Variants in CNNM4 observed in about 807,000 individuals in gnomAD.
CNNM4 encodes cyclin and CBS domain divalent metal cation transport mediator 4.
Under a neutral mutation model 53.7 loss-of-function variants are expected in CNNM4, and 32 were observed. That is an observed-to-expected ratio of 0.60 (90% confidence interval 0.45 to 0.80). CNNM4 has a LOEUF of 0.80. CNNM4 is among the 30% of genes least tolerant of loss of function. The probability of loss-of-function intolerance (pLI) is 0.00; values close to 1 mark genes in which losing one functional copy is unlikely to be tolerated. For synonymous variants in CNNM4, 410 were observed against 440.0 expected, an observed-to-expected ratio of 0.93 and a Z score of 0.85; for missense variants, 784 against 1,022.0, an observed-to-expected ratio of 0.77 and a Z score of 3.17.
Position 96,797,433 on chromosome 2 carries a change from A to C in CNNM4, c.1547-80A>C. 1 of 1,581,598 alleles carries C rather than the reference A, an allele frequency of 6.3e-7. No individual in the cohort carries two copies. The highest frequency in any genetic ancestry group is 8.6e-7 in the Non-Finnish European group (1 of 1,160,486). On this transcript the variant is annotated intron_variant, in intron 2 of 6. Coordinates refer to ENST00000377075, the MANE Select transcript of CNNM4 (RefSeq NM_020184.4). This position sits in a 1 kb window ranked among gnomAD's most constrained non-coding sequence, Gnocchi z 6.0. ...TGCGTGGGACTAGGGGCTGGAGAGC[A>C]GGAGCTGCGGGGCGGGTTCCAGTCT...
At chr2:96,770,635 C>G (rs933056687) in intron 1 of CNNM4, among the ~76,000 whole-genome samples, 1 of 152,152 alleles carries the variant, frequency 6.6e-6, no homozygotes, top group African/African-American at 2.4e-5. Context: ...CTTGGCGGTG[C>G]GGATCCCTGG....
chr2:96,799,137 C>T lies in CNNM4; in HGVS notation c.1762C>T (p.Leu588Phe). ...CAAGTACCCAGATGTCATTCAGGAA[C>T]TCAAGTTTGACGAGCACAATAAGTA... Reference protein sequence around the residue: ...LLKYPDVIQELKFDEHNKYYA... With the variant: ...LLKYPDVIQEFKFDEHNKYYA... The change falls in exon 4 of 7, where the codon CTC (leucine) becomes TTC (phenylalanine). Residue 588 changes from leucine to phenylalanine, a missense_variant. Leu to Phe is a conservative substitution (Grantham distance 22, BLOSUM62 0). Around this residue, in one of 3 missense-constraint regions of CNNM4, gnomAD observed 307 missense variants for 376.3 expected, o/e 0.82. Transcript: ENST00000377075. 6.2e-7 allele frequency: 1 copy of T among 1,614,164 alleles called. No individual in the cohort carries two copies. The highest frequency in any genetic ancestry group is 1.1e-5 in the South Asian group (1 of 91,082).
At position 96,761,414 on chromosome 2, in the gene CNNM4, C is replaced by A. The variant is rs1265638760; in HGVS notation, c.415C>A (p.Leu139Ile). The change falls in exon 1 of 7, where the codon CTC (leucine) becomes ATC (isoleucine). Residue 139 changes from leucine (L) to isoleucine (I), a missense_variant. By Grantham distance (5) the Leu-to-Ile change is conservative (BLOSUM62 2). This residue lies in a region of CNNM4 where 473 missense variants were observed against 624.6 expected (regional missense o/e 0.76). Transcript: ENST00000377075. This position sits in a 1 kb window ranked among gnomAD's most constrained non-coding sequence, Gnocchi z 6.0. Reference protein sequence around the residue: ...SGVLVVLTKFLRRSESMKLYA... With the variant: ...SGVLVVLTKFIRRSESMKLYA... ...CGTGCTGGTGGTGCTCACCAAGTTC[C>A]TCCGGAGGAGCGAGAGCATGAAGCT... 6.2e-7 allele frequency: 1 copy of A among 1,614,010 alleles called. No homozygotes were observed. Among genetic ancestry groups the A allele is most frequent in the Non-Finnish European group, 8.5e-7 (1 of 1,180,032 alleles).
Position 96,801,152 on chromosome 2 carries a change from A to AG in CNNM4, c.1948+1507dup. ...GCTCACAGGTAACGTGGCACAGCTG[A>AG]GGGTCACGCTGCCACCTGCTGCCTG... On this transcript the variant is annotated intron_variant, in intron 5 of 6. Transcript: ENST00000377075. This position sits in a 1 kb window ranked among gnomAD's most constrained non-coding sequence, Gnocchi z 5.6. 2.0e-6 allele frequency: 2 copies of AG among 983,384 alleles called. No individual in the cohort carries two copies. Among genetic ancestry groups the AG allele is most frequent in the Non-Finnish European group, 1.2e-6 (1 of 828,074 alleles). 60.9% of individuals were successfully genotyped at this position (983,384 alleles called of 1,614,324 possible).
At chr2:96,781,997 A>G (rs1255420395) in intron 1 of CNNM4, among the ~76,000 whole-genome samples, 1 of 152,196 alleles carries the variant, frequency 6.6e-6, no homozygotes, top group African/African-American at 2.4e-5. Context: ...TGTTGAGATG[A>G]TTGAATAACC....
rs1300595845 is a variant in CNNM4 at position 96,800,278 on chromosome 2, C to G, written c.1948+630C>G. 1.3e-5 allele frequency among the ~76,000 whole-genome samples: 2 copies of G among 152,278 alleles called. No homozygotes were observed. The highest frequency in any genetic ancestry group is 6.5e-5 in the Admixed American group (1 of 15,296). On this transcript the variant is annotated intron_variant, in intron 5 of 6. Coordinates refer to ENST00000377075, the MANE Select transcript of CNNM4 (RefSeq NM_020184.4). The surrounding 1 kb of genome is among the most constrained non-coding windows in gnomAD (Gnocchi z 4.6). ...GGCTTTCCCCGCAGAGCCCCACAGA[C>G]AAGGCCCCGCAGGCCCAGGTCTCGC...
intron 1 of CNNM4, among the ~76,000 whole-genome samples, chr2:96,772,266 C>T (rs1285793058): frequency 3.7e-5 from 5 of 134,466 alleles, no homozygotes; most frequent in African/African-American, 5.7e-5. Flanking sequence ...ACACCCCATG[C>T]GCGCACACAC....
intron 1 of CNNM4, among the ~76,000 whole-genome samples, chr2:96,796,304 C>T (rs1245869788): frequency 6.6e-6 from 1 of 151,790 alleles, no homozygotes; most frequent in African/African-American, 2.4e-5. Flanking sequence ...ACTACCACAC[C>T]TAGCTGATTT....
In CNNM4 at chr2:96,797,433, A is replaced by G. The variant is rs1558993205; in HGVS notation, c.1547-80A>G. The G allele has an allele frequency of 2.5e-6, 4 of 1,581,598 alleles. No individual in the cohort carries two copies. Among genetic ancestry groups the G allele is most frequent in the Non-Finnish European group, 2.6e-6 (3 of 1,160,486 alleles). ...TGCGTGGGACTAGGGGCTGGAGAGC[A>G]GGAGCTGCGGGGCGGGTTCCAGTCT... is the stretch of plus-strand genomic sequence containing the variant. On this transcript the variant is annotated intron_variant, in intron 2 of 6. Coordinates refer to ENST00000377075, the MANE Select transcript of CNNM4 (RefSeq NM_020184.4). This position sits in a 1 kb window ranked among gnomAD's most constrained non-coding sequence, Gnocchi z 6.0.
intron 1 of CNNM4, among the ~76,000 whole-genome samples, chr2:96,776,027 GTT>G (rs538342553): frequency 4.7e-5 from 6 of 128,732 alleles, no homozygotes; most frequent in South Asian, 2.6e-4. Context: ...TGCCATTGTG[GTT>G]TTTTTTTTTT....
Position 96,761,192 on chromosome 2 carries a change from A to G in CNNM4, c.193A>G (p.Ile65Val), listed in dbSNP as rs1324850511. 6.2e-7 allele frequency: 1 copy of G among 1,613,794 alleles called. No homozygotes were observed. The highest frequency in any genetic ancestry group is 1.7e-5 in the Admixed American group (1 of 60,010). The change falls in exon 1 of 7, where the codon ATC becomes GTC. Residue 65 changes from isoleucine (I) to valine (V), a missense_variant. Ile to Val is a conservative substitution (Grantham distance 29). Transcript: ENST00000377075. This position sits in a 1 kb window ranked among gnomAD's most constrained non-coding sequence, Gnocchi z 6.0. ...NKSCGTNPDG[I>V]IFVSEGSTVN... ...GTCGTGTGGGACGAACCCGGATGGCATCATCTTCGTGTCCGAGGGCAGCAC... is the reference window on the plus strand; with the variant it reads ...GTCGTGTGGGACGAACCCGGATGGCGTCATCTTCGTGTCCGAGGGCAGCAC...
In CNNM4 at chr2:96,797,465, A is replaced by C; in HGVS notation, c.1547-48A>C. On this transcript the variant is annotated intron_variant, in intron 2 of 6. Coordinates refer to ENST00000377075, the MANE Select transcript of CNNM4 (RefSeq NM_020184.4). The surrounding 1 kb of genome is among the most constrained non-coding windows in gnomAD (Gnocchi z 6.0). ...GCGGGGCGGGTTCCAGTCTCTTCCT[A>C]AGTCCTCAGGGGTCTGTGTTCTCAA... 8 of 1,609,820 alleles carry C rather than the reference A, an allele frequency of 5.0e-6. No homozygotes were observed. The highest frequency in any genetic ancestry group is 6.8e-6 in the Non-Finnish European group (8 of 1,179,784).
At position 96,809,327 on chromosome 2, in the gene CNNM4, G is replaced by C; in HGVS notation, c.2138G>C (p.Arg713Pro). 6.2e-7 allele frequency: 1 copy of C among 1,614,016 alleles called. No individual in the cohort carries two copies. The highest frequency in any genetic ancestry group is 1.3e-5 in the African/African-American group (1 of 75,002). Residue 713 changes from arginine (R) to proline (P), a missense_variant, in exon 7 of 7, where the codon CGG becomes CCG. By Grantham distance (103) the Arg-to-Pro change is moderately radical. Around this residue, in one of 3 missense-constraint regions of CNNM4, gnomAD observed 307 missense variants for 376.3 expected, o/e 0.82. Transcript: ENST00000377075. ...LVDLQYIKIT[R>P]QQYQNGLLAS... ...CATCCCTTCCTCATGCAGATCACTC[G>C]GCAGCAGTACCAGAACGGGCTGCTG...
In CNNM4 at chr2:96,761,065, G is replaced by A. The variant is rs2078755808; in HGVS notation, c.66G>A (p.Ala22=). ...CGGCCCGCGGGCGCCTCCTCCTGGC[G>A]GCGCCGGTGCTGCTGGTGCTGCTGT... ...GGPARGRLLL[A]APVLLVLLWA... The change falls in exon 1 of 7, where the codon GCG becomes GCA. Residue 22 remains alanine, a synonymous_variant. Transcript: ENST00000377075. This position sits in a 1 kb window ranked among gnomAD's most constrained non-coding sequence, Gnocchi z 6.0. The A allele has an allele frequency of 7.9e-7, 1 of 1,267,404 alleles. No individual in the cohort carries two copies. The highest frequency in any genetic ancestry group is 1.0e-6 in the Non-Finnish European group (1 of 1,002,778). The allele number at this position is 1,267,404 out of a possible 1,614,324, so 78.5% of individuals were successfully genotyped here. A position where few individuals can be genotyped will look rare whatever the true frequency, so the allele number is the denominator to read the frequency against.
intron 1 of CNNM4, among the ~76,000 whole-genome samples, chr2:96,787,864 A>C (rs2079027984): frequency 6.6e-6 from 1 of 152,198 alleles, no homozygotes; most frequent in South Asian, 2.1e-4. Flanking sequence ...TGTCTAAAAA[A>C]AATTGAAGTA....
intron 1 of CNNM4, among the ~76,000 whole-genome samples, chr2:96,779,016 G>A (rs1003804070): frequency 6.6e-6 from 1 of 151,932 alleles, no homozygotes; most frequent in African/African-American, 2.4e-5. Context: ...GAGTGCAGTG[G>A]CGCGATTTTG....
chr2:96,781,060 G>C (rs1255753461), intron 1 of CNNM4, among the ~76,000 whole-genome samples: 2 of 124,202 alleles, frequency 1.6e-5, no homozygotes, highest in Admixed American at 1.8e-4. Context: ...CTCACTGCAA[G>C]CTCCGCCTCC....
At chr2:96,770,500 C>T (rs542369884) in intron 1 of CNNM4, among the ~76,000 whole-genome samples, 136 of 152,320 alleles carry the variant, frequency 8.9e-4, no homozygotes, top group South Asian at 8.3e-3. Context: ...CACTCTGGTA[C>T]GTGTTGCCCT....
At chr2:96,809,085 G>A in intron 6 of CNNM4, 5 of 842,576 alleles carry the variant, frequency 5.9e-6, no homozygotes, top group Non-Finnish European at 9.0e-6. Context: ...CAAGCGATTT[G>A]CCCGCCTCAG....
Sources: gnomAD v4.1 joint callset for allele counts (sites outside exome capture counted in the v4.1 genomes callset) on GRCh38, gnomAD v4.1.1 for gene constraint, gnomAD v4.1.1 regional missense constraint, Gnocchi (gnomAD v3.1) non-coding constraint, MANE v1.5 for transcripts, NCBI Gene and HGNC (gene_info 2026-07-23, HGNC 2026-07-21) for gene names.